Variants in MUC5AC observed in about 807,000 individuals in gnomAD.
The protein encoded by MUC5AC is mucin-5AC.
A neutral mutation model predicts 169.7 loss-of-function variants in MUC5AC; 158 were observed. That is an observed-to-expected ratio of 0.93 (90% confidence interval 0.82 to 1.06). The LOEUF is 1.06. Among genes scored for constraint, MUC5AC ranks in the 50% least tolerant of loss-of-function variants. The pLI is 0.00. For synonymous variants in MUC5AC, 1,975 were observed against 1,237.0 expected (o/e 1.60, Z -12.52); for missense variants, 4,359 against 3,089.9 (o/e 1.41, Z -9.74).
At chr11:1,171,305 C>T (rs1437932694) in intron 15 of MUC5AC, among the ~76,000 whole-genome samples, 6 of 140,128 alleles carry the variant, frequency 4.3e-5, no homozygotes, top group Non-Finnish European at 6.1e-5. Flanking sequence ...CACTCACTCA[C>T]CTACTCACTC....
At chr11:1,165,523 A>AG in intron 10 of MUC5AC, 99 bp from the exon 11 acceptor site, 1 of 1,585,284 alleles carries the variant, frequency 6.3e-7, no homozygotes, top group South Asian at 1.1e-5. Flanking sequence ...GCTACGGTGT[A>AG]GGCAGGCCTG....
rs999102252 is a variant in MUC5AC, at chr11:1,200,826, G to A, written c.*124G>A. ...CTGCAGCTTTGAACACACTGTCCACGCCCGCTTTCTTGTGGAGGGTGTGGG... is the reference window on the plus strand; with the variant it reads ...CTGCAGCTTTGAACACACTGTCCACACCCGCTTTCTTGTGGAGGGTGTGGG... On this transcript the variant is annotated 3_prime_UTR_variant, in exon 49 of 49. Transcript: ENST00000621226. 2.4e-5 allele frequency: 15 copies of A among 632,056 alleles called. No individual in the cohort carries two copies. The highest frequency in any genetic ancestry group is 2.6e-4 in the Middle Eastern group (1 of 3,826). 39.2% of individuals were successfully genotyped at this position (632,056 alleles called of 1,614,324 possible).
At position 1,193,673 on chromosome 11, in the gene MUC5AC, C is replaced by T. The variant is rs554865955; in HGVS notation, c.14755+14C>T. ...ACCAGTGCCAGTGTGAGTGGAGCGC[C>T]GAGCGGGACCCAGGGCAGCCGGGGC... On this transcript the variant is annotated intron_variant, in intron 33 of 48. Transcript: ENST00000621226. The T allele has an allele frequency of 2.4e-5, 18 of 762,350 alleles. No homozygotes were observed. The highest frequency in any genetic ancestry group is 2.4e-4 in the Middle Eastern group (1 of 4,114). 47.2% of individuals were successfully genotyped at this position (762,350 alleles called of 1,614,324 possible).
At chr11:1,175,790 GCA>G (rs1860663939) in intron 19 of MUC5AC, among the ~76,000 whole-genome samples, 1 of 3,982 alleles carries the variant, frequency 2.5e-4, no homozygotes, top group East Asian at 7.5e-3. Context: ...ACATGCACAC[GCA>G]CTCACACCCA....
At position 1,184,516 on chromosome 11, in the gene MUC5AC, C is replaced by G; in HGVS notation, c.6371C>G (p.Thr2124Arg). ...RNCHPRCTWT[T>R]WFDVDFPSPG... The stretch of plus-strand genomic sequence containing the variant: ...TGTCATCCCCGGTGCACCTGGACAA[C>G]GTGGTTCGACGTGGACTTCCCGTCC... The change falls in exon 31 of 49, where the codon ACG (threonine) becomes AGG (arginine). Residue 2124 changes from threonine (T) to arginine (R), a missense_variant. Transcript: ENST00000621226. 1.7e-6 allele frequency: 1 copy of G among 585,660 alleles called. No individual in the cohort carries two copies. The highest frequency in any genetic ancestry group is 3.0e-6 in the Non-Finnish European group (1 of 332,136). 36.3% of individuals were successfully genotyped at this position (585,660 alleles called of 1,614,324 possible).
At position 1,189,013 on chromosome 11, in the gene MUC5AC, G is replaced by C. The variant is rs1861019594; in HGVS notation, c.10868G>C (p.Gly3623Ala). The C allele has an allele frequency of 3.0e-6, 2 of 674,322 alleles. No homozygotes were observed. The highest frequency in any genetic ancestry group is 2.2e-5 in the Admixed American group (1 of 46,436). 41.8% of individuals were successfully genotyped at this position (674,322 alleles called of 1,614,324 possible). Residue 3623 changes from glycine to alanine, a missense_variant, in exon 31 of 49, where the codon GGC becomes GCC. Coordinates refer to ENST00000621226, the MANE Select transcript of MUC5AC (RefSeq NM_001304359.2). ...VRVLCCETPK[G>A]CPVTSTSVTA... ...GTGCTTTGCTGCGAGACCCCCAAAG[G>C]CTGCCCCGTGACCTCCACATCTGTG... is the stretch of plus-strand genomic sequence containing the variant.
rs1348079736 is a variant in MUC5AC, at chr11:1,186,512, T to A, written c.8367T>A (p.Thr2789=). The A allele has an allele frequency of 2.1e-4, 133 of 644,908 alleles. 2 individuals are homozygous for A. In the South Asian group the frequency reaches 2.1e-3, roughly 10 times the overall value. 39.9% of individuals were successfully genotyped at this position (644,908 alleles called of 1,614,324 possible). The part of the protein sequence containing the change: ...STISAPTTST[T]LSPTTSTTST... ...TCTCTGCCCCTACAACCAGCACAAC[T>A]TTGTCTCCTACAACCAGCACAACCT... Residue 2789 remains threonine (T), a synonymous_variant, in exon 31 of 49, where the codon ACT becomes ACA. Coordinates refer to ENST00000621226, the MANE Select transcript of MUC5AC (RefSeq NM_001304359.2).
rs1420298270 is a variant in MUC5AC, at chr11:1,186,535, C to A, written c.8390C>A (p.Thr2797Asn). Residue 2797 changes from threonine (T) to asparagine (N), a missense_variant, in exon 31 of 49, where the codon ACC (threonine) becomes AAC (asparagine). Coordinates refer to ENST00000621226, the MANE Select transcript of MUC5AC (RefSeq NM_001304359.2). ...STTLSPTTSTTSTTITSTTSA... is the reference protein window; with the variant it reads ...STTLSPTTSTNSTTITSTTSA... ...ACTTTGTCTCCTACAACCAGCACAA[C>A]CTCTACTACTATAACCAGCACAACT... The A allele has an allele frequency of 2.9e-6, 2 of 699,036 alleles. No homozygotes were observed. The highest frequency in any genetic ancestry group is 2.0e-5 in the Admixed American group (1 of 49,874). 43.3% of individuals were successfully genotyped at this position (699,036 alleles called of 1,614,324 possible).
Position 1,164,037 on chromosome 11 carries a change from G to C in MUC5AC, c.789+46G>C, listed in dbSNP as rs568070699. On this transcript the variant is annotated intron_variant, in intron 7 of 48. Transcript: ENST00000621226. ...AGGGCCCAGCAGGTTGAGCAGGAGG[G>C]GTTGTGAGCCTGGGAACCGGTCCAG... 3.7e-6 allele frequency: 6 copies of C among 1,609,374 alleles called. No individual in the cohort carries two copies. In the East Asian group the frequency reaches 6.7e-5, roughly 18 times the overall value.
intron 15 of MUC5AC, 78 bp downstream of exon 15, chr11:1,169,104 C>T (rs767676482): frequency 8.1e-4 from 1,180 of 1,457,614 alleles, no homozygotes; most frequent in Non-Finnish European, 9.3e-4. Context: ...CTGCAGGCAG[C>T]GAGGCCGGCC....
In MUC5AC at chr11:1,195,958, C is replaced by T. The variant is rs1386729147; in HGVS notation, c.15541C>T (p.Leu5181=). 1 of 765,036 alleles carries T rather than the reference C, an allele frequency of 1.3e-6. No individual in the cohort carries two copies. The highest frequency in any genetic ancestry group is 2.4e-6 in the Non-Finnish European group (1 of 417,822). 47.4% of individuals were successfully genotyped at this position (765,036 alleles called of 1,614,324 possible). The change falls in exon 37 of 49, where the codon CTG becomes TTG. Residue 5181 remains leucine, a synonymous_variant. Transcript: ENST00000621226. ...CTTTGACCGGTGCCACATGACGGAC[C>T]TGGATGTGGTGTGCTCCAGCCTGGA... ...CVFDRCHMTD[L]DVVCSSLELY...
rs544807860 is a variant in MUC5AC at position 1,198,134 on chromosome 11, G to A, written c.16135+130G>A. 40 of 677,440 alleles carry A rather than the reference G, an allele frequency of 5.9e-5. No individual in the cohort carries two copies. The East Asian group carries it at 7.9e-4, about 13-fold the overall frequency. 42.0% of individuals were successfully genotyped at this position (677,440 alleles called of 1,614,324 possible). On this transcript the variant is annotated intron_variant, in intron 42 of 48. Coordinates refer to ENST00000621226, the MANE Select transcript of MUC5AC (RefSeq NM_001304359.2). ...TCTGTGGCTCTGGACTGAGCCTTCCGCAGAGATGAGGCTGGACAAACCCCA... is the reference window on the plus strand; with the variant it reads ...TCTGTGGCTCTGGACTGAGCCTTCCACAGAGATGAGGCTGGACAAACCCCA...
intron 35 of MUC5AC, 90 bp from the exon 36 acceptor site, chr11:1,194,922 C>T (rs2133773463): frequency 1.6e-6 from 1 of 641,508 alleles, no homozygotes; most frequent in African/African-American, 1.8e-5. Flanking sequence ...CAAGTTGTGA[C>T]CCTGAGACAC....
At position 1,199,742 on chromosome 11, in the gene MUC5AC, GC is replaced by G; in HGVS notation, c.16568del (p.Pro5523ArgfsTer17). On this transcript the variant is annotated frameshift_variant, in exon 47 of 49. Coordinates refer to ENST00000621226, the MANE Select transcript of MUC5AC (RefSeq NM_001304359.2). LOFTEE classifies it high-confidence loss of function. ...KDGCCRFCPPPPPPYQNQSTC... is the reference protein window; with the variant it reads ...KDGCCRFCPPXPPPYQNQSTC... ...ACGGCTGCTGCCGCTTCTGCCCGCC[GC>G]CCCCGCCCCCGTACCAGAACCGTGA... 2.8e-6 allele frequency: 2 copies of G among 711,306 alleles called. No homozygotes were observed. The highest frequency in any genetic ancestry group is 5.1e-6 in the Non-Finnish European group (2 of 390,166). 44.1% of individuals were successfully genotyped at this position (711,306 alleles called of 1,614,324 possible).
rs1316462779 is a variant in MUC5AC, at chr11:1,199,677, G to A, written c.16516-18G>A. 2.8e-6 allele frequency: 2 copies of A among 704,966 alleles called. No individual in the cohort carries two copies. Among genetic ancestry groups the A allele is most frequent in the Non-Finnish European group, 5.2e-6 (2 of 386,618 alleles). 43.7% of individuals were successfully genotyped at this position (704,966 alleles called of 1,614,324 possible). On this transcript the variant is annotated intron_variant, in intron 46 of 48. Coordinates refer to ENST00000621226, the MANE Select transcript of MUC5AC (RefSeq NM_001304359.2). Reference sequence around the variant, plus strand: ...CGCCGAGCGCCTCGGCACTGAGGGCGCCCCTCTGTCGGCACAGGACGAGGC... The same window carrying A: ...CGCCGAGCGCCTCGGCACTGAGGGCACCCCTCTGTCGGCACAGGACGAGGC...
intron 16 of MUC5AC, 80 bp from the exon 17 acceptor site, chr11:1,174,416 G>A: frequency 4.7e-6 from 4 of 844,768 alleles, no homozygotes; most frequent in Non-Finnish European, 7.3e-6. Context: ...CTGGCTGCTG[G>A]ATGTGTGGCC....
At chr11:1,196,544 T>C in intron 38 of MUC5AC, 69 bp downstream of exon 38, 1 of 763,932 alleles carries the variant, frequency 1.3e-6, no homozygotes, top group East Asian at 2.4e-5. Flanking sequence ...TCCCGCTGCA[T>C]CTCCCACTCC....
chr11:1,192,564 C>T (rs1192374297), intron 31 of MUC5AC, 39 bp downstream of exon 31: 3 of 754,766 alleles, frequency 4.0e-6, no homozygotes, highest in Admixed American at 1.7e-5. Context: ...TCTGAGCTCA[C>T]CCTGGTCAGT....
intron 1 of MUC5AC, among the ~76,000 whole-genome samples, chr11:1,158,903 G>A (rs149212935): frequency 2.0e-4 from 31 of 152,312 alleles, no homozygotes; most frequent in African/African-American, 4.8e-4. Context: ...ACCCTCTCCC[G>A]GTGTCTCCGT....
Sources: allele counts gnomAD v4.1 joint callset (sites outside exome capture counted in the v4.1 genomes callset), GRCh38; gene constraint gnomAD v4.1.1; transcripts MANE v1.5; gene names NCBI Gene and HGNC (gene_info 2026-07-23, HGNC 2026-07-21).